Variants in TRAPPC9 observed in about 807,000 individuals in gnomAD.
The protein encoded by TRAPPC9 is trafficking protein particle complex subunit 9, also known as IKK2 binding protein.
A neutral mutation model predicts 124.0 loss-of-function variants in TRAPPC9; 83 were observed. The ratio of observed to expected loss-of-function variants is 0.67; its 90% CI spans 0.56 to 0.80. TRAPPC9 has a LOEUF of 0.80. TRAPPC9 is among the 30% of genes least tolerant of loss of function. The probability of loss-of-function intolerance (pLI) is 0.00; values close to 1 mark genes in which losing one functional copy is unlikely to be tolerated. For missense variants in TRAPPC9, 1,302 were observed against 1,508.3 expected (o/e 0.86, Z 2.27); for synonymous variants, 638 against 617.5 (o/e 1.03, Z -0.49).
chr8:140,387,221 A>G (rs2068778699), intron 7 of TRAPPC9, among the ~76,000 whole-genome samples: 1 of 152,218 alleles, frequency 6.6e-6, no homozygotes, highest in African/African-American at 2.4e-5. Context: ...ACTAAACTTT[A>G]AGCTAAGTCT....
chr8:140,150,574 T>C (rs1467448952), intron 17 of TRAPPC9, among the ~76,000 whole-genome samples: 1 of 152,162 alleles, frequency 6.6e-6, no homozygotes, highest in East Asian at 1.9e-4. Context: ...GACTAAAGGA[T>C]TCATCCAAAG....
intron 19 of TRAPPC9, among the ~76,000 whole-genome samples, chr8:139,918,562 G>A (rs972906553): frequency 1.3e-5 from 2 of 152,170 alleles, no homozygotes; most frequent in Admixed American, 6.5e-5. Context: ...CCACGGAGCC[G>A]GCTCCCCTTG....
In TRAPPC9 at chr8:139,907,378, A is replaced by G. The variant is rs1224482760; in HGVS notation, c.2964+2769T>C. Among the ~76,000 whole-genome samples the G allele has an allele frequency of 6.6e-6, 1 of 152,172 alleles. No homozygotes were observed. Among genetic ancestry groups the G allele is most frequent in the Non-Finnish European group, 1.5e-5 (1 of 68,032 alleles). The stretch of plus-strand genomic sequence containing the variant: ...TAAAAAGTCTAAATGTTTAGAAAAT[A>G]TTATTAAAATGCATAATGAAATTAT... On this transcript the variant is annotated intron_variant, in intron 20 of 22. Transcript: ENST00000438773. The surrounding 1 kb of genome is among the most constrained non-coding windows in gnomAD (Gnocchi z 4.7).
chr8:139,951,702 C>T (rs572346437), intron 19 of TRAPPC9, among the ~76,000 whole-genome samples: 13 of 152,276 alleles, frequency 8.5e-5, no homozygotes, highest in Non-Finnish European at 1.3e-4. Flanking sequence ...TTACAGATGC[C>T]GAGCTCACTC....
chr8:140,308,813 G>A (rs940956093), intron 10 of TRAPPC9, among the ~76,000 whole-genome samples: 1 of 151,952 alleles, frequency 6.6e-6, no homozygotes, highest in African/African-American at 2.4e-5. Flanking sequence ...CCCGGGAGGT[G>A]GAGGTTGCAG....
chr8:140,412,224 T>G (rs1395542687), intron 5 of TRAPPC9, among the ~76,000 whole-genome samples: 1 of 152,188 alleles, frequency 6.6e-6, no homozygotes. Context: ...CCTTCTGCCC[T>G]GCCAAAATGC....
intron 19 of TRAPPC9, among the ~76,000 whole-genome samples, chr8:139,922,657 G>A (rs950320848): frequency 6.6e-6 from 1 of 152,188 alleles, no homozygotes; most frequent in African/African-American, 2.4e-5. Flanking sequence ...GGTGAGGCAG[G>A]GCTTCCTCCC....
chr8:139,741,935 G>A (rs1373184573), intron 21 of TRAPPC9, among the ~76,000 whole-genome samples: 1 of 152,170 alleles, frequency 6.6e-6, no homozygotes, highest in Non-Finnish European at 1.5e-5. Context: ...AGGGACACAT[G>A]GGCTGTTTCC....
intron 19 of TRAPPC9, among the ~76,000 whole-genome samples, chr8:139,953,274 T>C (rs1236295046): frequency 6.6e-6 from 1 of 152,188 alleles, no homozygotes; most frequent in East Asian, 1.9e-4. Flanking sequence ...GGTGGATCAC[T>C]TGAGGTCAAG....
chr8:139,736,092 C>T, intron 21 of TRAPPC9, among the ~76,000 whole-genome samples: 1 of 152,218 alleles, frequency 6.6e-6, no homozygotes, highest in East Asian at 1.9e-4. Context: ...TGATCTTGAC[C>T]TCCCAGACTG....
chr8:139,956,744 C>T (rs1392500758), intron 19 of TRAPPC9, among the ~76,000 whole-genome samples: 1 of 152,204 alleles, frequency 6.6e-6, no homozygotes, highest in Admixed American at 6.5e-5. Context: ...TCCGCGTAGA[C>T]TCGTTGTGCC....
At chr8:140,200,292 G>A (rs1341829647) in intron 17 of TRAPPC9, among the ~76,000 whole-genome samples, 1 of 152,142 alleles carries the variant, frequency 6.6e-6, no homozygotes, top group African/African-American at 2.4e-5. Context: ...GGCCAACCGG[G>A]ACAAGACCTT....
chr8:140,266,529 T>C (rs576873868), intron 15 of TRAPPC9, among the ~76,000 whole-genome samples: 3 of 144,548 alleles, frequency 2.1e-5, no homozygotes, highest in South Asian at 2.2e-4. Context: ...ATGACATCGC[T>C]AGACCCTCCT....
chr8:140,240,773 C>T (rs1379023613), intron 16 of TRAPPC9, among the ~76,000 whole-genome samples: 1 of 152,228 alleles, frequency 6.6e-6, no homozygotes, highest in African/African-American at 2.4e-5. Flanking sequence ...CTCCCGGACT[C>T]AAGTGATCCT....
chr8:139,947,868 CAAA>C (rs34765655), intron 19 of TRAPPC9, among the ~76,000 whole-genome samples: 3 of 60,372 alleles, frequency 5.0e-5, no homozygotes, highest in Admixed American at 2.0e-4. Context: ...AATTCCGTCT[CAAA>C]AAAAAAAAAA....
intron 20 of TRAPPC9, among the ~76,000 whole-genome samples, chr8:139,896,287 G>A (rs533985147): frequency 6.6e-6 from 1 of 152,244 alleles, no homozygotes; most frequent in East Asian, 1.9e-4. Context: ...TCTTAAATAC[G>A]TGGACCCTGG....
intron 11 of TRAPPC9, among the ~76,000 whole-genome samples, chr8:140,295,681 C>T (rs1385561367): frequency 1.3e-5 from 2 of 152,182 alleles, no homozygotes; most frequent in Admixed American, 1.3e-4. Context: ...TCAAACACTA[C>T]CCTCAAGAGT....
chr8:139,874,730 G>T (rs1286600583), intron 21 of TRAPPC9, among the ~76,000 whole-genome samples: 2 of 152,106 alleles, frequency 1.3e-5, no homozygotes, highest in African/African-American at 4.8e-5. Flanking sequence ...TGTGGGCAGT[G>T]GGGGGCCTTC....
At chr8:140,058,480 T>G (rs1842412548) in intron 17 of TRAPPC9, among the ~76,000 whole-genome samples, 1 of 152,196 alleles carries the variant, frequency 6.6e-6, no homozygotes, top group South Asian at 2.1e-4. Flanking sequence ...CCTCTTTTGC[T>G]CGCTAGAGAC....
Sources: gnomAD v4.1 joint callset for allele counts (sites outside exome capture counted in the v4.1 genomes callset) on GRCh38, gnomAD v4.1.1 for gene constraint, Gnocchi (gnomAD v3.1) non-coding constraint, MANE v1.5 for transcripts, NCBI Gene and HGNC (gene_info 2026-07-23, HGNC 2026-07-21) for gene names.